NTM: variants seen among roughly 807,000 people sequenced by gnomAD.
The protein encoded by NTM is neurotrimin.
Under a neutral mutation model 42.1 loss-of-function variants are expected in NTM, and 13 were observed. The observed-to-expected ratio is 0.31, with a 90% CI of 0.20 to 0.49. The LOEUF (loss-of-function observed/expected upper bound fraction) is 0.49, where lower values mean the gene tolerates loss of function less well. Ranked by LOEUF, NTM falls within the 20% of genes least tolerant of loss-of-function variation. NTM has a pLI of 0.99. For synonymous variants in NTM, 187 were observed against 179.2 expected, an observed-to-expected ratio of 1.04 and a Z score of -0.35; for missense variants, 373 against 452.8, an observed-to-expected ratio of 0.82 and a Z score of 1.60.
intron 7 of NTM, among the ~76,000 whole-genome samples, chr11:132,322,124 C>T (rs1291417326): frequency 3.3e-5 from 5 of 151,544 alleles, no homozygotes; most frequent in South Asian, 2.1e-4. Context: ...CATCAACTAA[C>T]GAGCAAAATA....
chr11:131,839,054 G>T (rs1592199816), intron 1 of NTM, among the ~76,000 whole-genome samples: 1 of 151,404 alleles, frequency 6.6e-6, no homozygotes, highest in East Asian at 1.9e-4. Context: ...TCTGCCTCCC[G>T]GGTTCATGCG....
At chr11:132,059,179 G>T (rs1211902258) in intron 2 of NTM, among the ~76,000 whole-genome samples, 1 of 152,090 alleles carries the variant, frequency 6.6e-6, no homozygotes, top group Non-Finnish European at 1.5e-5. Context: ...CCTTTTGGTT[G>T]TCCCCTCACC....
chr11:132,200,224 C>T (rs1359256559), intron 3 of NTM, among the ~76,000 whole-genome samples: 1 of 152,144 alleles, frequency 6.6e-6, no homozygotes, highest in Non-Finnish European at 1.5e-5. Flanking sequence ...GGGACCACCT[C>T]CCAGGATTCA....
intron 1 of NTM, among the ~76,000 whole-genome samples, chr11:131,876,860 CTTT>C (rs112400063): frequency 7.0e-6 from 1 of 143,478 alleles, no homozygotes. Context: ...CAAAGCATAA[CTTT>C]TTTTTTTTTT....
At chr11:131,558,775 G>T (rs1227361391) in intron 1 of NTM, among the ~76,000 whole-genome samples, 1 of 152,156 alleles carries the variant, frequency 6.6e-6, no homozygotes, top group Admixed American at 6.5e-5. Context: ...TGGAGGAGAA[G>T]GGGTGCCATC....
At chr11:131,719,178 G>A (rs1250804969) in intron 1 of NTM, among the ~76,000 whole-genome samples, 3 of 152,114 alleles carry the variant, frequency 2.0e-5, no homozygotes, top group Non-Finnish European at 4.4e-5. Flanking sequence ...CTGAAGTGCT[G>A]GGATTACAGA....
At chr11:131,850,708 A>G (rs1247372734) in intron 1 of NTM, among the ~76,000 whole-genome samples, 1 of 152,214 alleles carries the variant, frequency 6.6e-6, no homozygotes. Flanking sequence ...AGGTGACGAC[A>G]AGGTCACCAG....
At position 132,335,062 on chromosome 11, in the gene NTM, C is replaced by T. The variant is rs528468851; in HGVS notation, c.984C>T (p.Ser328=). 33 of 1,612,284 alleles carry T rather than the reference C, an allele frequency of 2.0e-5. No individual in the cohort carries two copies. Among genetic ancestry groups the T allele is most frequent in the African/African-American group, 1.9e-4 (14 of 74,980 alleles). Residue 328 remains serine (S), a synonymous_variant, in exon 9 of 9, where the codon AGC becomes AGT. Transcript: ENST00000683400. ...TCTCCACAGGTCCAGGCGCCGTCAG[C>T]GAGGTGAGCAACGGCACGTCGAGGA... ...LTPWKGPGAV[S]EVSNGTSRRA... is the part of the protein sequence containing the mutation.
chr11:131,928,423 A>G (rs1172146092), intron 2 of NTM, among the ~76,000 whole-genome samples: 1 of 152,240 alleles, frequency 6.6e-6, no homozygotes, highest in Non-Finnish European at 1.5e-5. Context: ...ATGCTGGAAG[A>G]CGTTCTGGCT....
chr11:132,147,175 T>TTGTG (rs751528769), intron 3 of NTM, among the ~76,000 whole-genome samples: 3,656 of 123,450 alleles, frequency 0.03, 62 homozygotes, highest in South Asian at 0.052. Flanking sequence ...CCTTGTATGT[T>TTGTG]TGTGTGTGTG....
At chr11:132,083,329 G>T (rs946674548) in intron 2 of NTM, among the ~76,000 whole-genome samples, 1 of 152,208 alleles carries the variant, frequency 6.6e-6, no homozygotes, top group Non-Finnish European at 1.5e-5. Context: ...GGACTGAGTT[G>T]TTTGCAAAAT....
chr11:131,810,304 C>G (rs2092684118), intron 1 of NTM, among the ~76,000 whole-genome samples: 1 of 152,186 alleles, frequency 6.6e-6, no homozygotes, highest in Non-Finnish European at 1.5e-5. Flanking sequence ...TTTCTTCTTA[C>G]TCCCCTGTCA....
chr11:131,986,767 G>C (rs1398844302), intron 2 of NTM, among the ~76,000 whole-genome samples: 2 of 152,084 alleles, frequency 1.3e-5, no homozygotes, highest in Non-Finnish European at 2.9e-5. Context: ...GGGCTCTATT[G>C]CCACTGCCTA....
intron 2 of NTM, among the ~76,000 whole-genome samples, chr11:132,106,857 G>A (rs11222927): frequency 0.3 from 46,161 of 151,940 alleles, 7,268 homozygotes; most frequent in African/African-American, 0.33. Context: ...ATTGAGCTGC[G>A]ATGTTTAATT....
chr11:132,108,489 G>A (rs536953930), intron 2 of NTM, among the ~76,000 whole-genome samples: 2 of 152,176 alleles, frequency 1.3e-5, no homozygotes, highest in Admixed American at 6.5e-5. Context: ...CTCTGAGGAC[G>A]CAAAGGCATA....
chr11:131,493,440 A>C (rs1955007816), intron 1 of NTM, among the ~76,000 whole-genome samples: 1 of 152,200 alleles, frequency 6.6e-6, no homozygotes, highest in South Asian at 2.1e-4. Context: ...GTGACTGAGC[A>C]GGTGATCCAG....
chr11:131,467,696 A>C (rs1565532624), intron 1 of NTM, among the ~76,000 whole-genome samples: 1 of 152,246 alleles, frequency 6.6e-6, no homozygotes, highest in Non-Finnish European at 1.5e-5. Flanking sequence ...ATTTTTAAAA[A>C]AATAAAATAG....
At chr11:131,620,888 A>G (rs887340470) in intron 1 of NTM, among the ~76,000 whole-genome samples, 1 of 152,218 alleles carries the variant, frequency 6.6e-6, no homozygotes, top group Non-Finnish European at 1.5e-5. Context: ...CTCCATGCCT[A>G]GAAGAGTACT....
At chr11:131,865,739 G>A (rs1187815759) in intron 1 of NTM, among the ~76,000 whole-genome samples, 1 of 18,680 alleles carries the variant, frequency 5.4e-5, no homozygotes, top group East Asian at 0.014. Context: ...GCTCTCACAC[G>A]TTGCACACAC....
Sources: gnomAD v4.1 joint callset for allele counts (sites outside exome capture counted in the v4.1 genomes callset) on GRCh38, gnomAD v4.1.1 for gene constraint, MANE v1.5 for transcripts, NCBI Gene and HGNC (gene_info 2026-07-23, HGNC 2026-07-21) for gene names.